The following KLHL26 variants were observed in gnomAD, a reference collection of about 807,000 sequenced individuals.
KLHL26 encodes the protein kelch-like protein 26.
In KLHL26, 4 loss-of-function variants were observed where a neutral mutation model predicts 7.1. That is an observed-to-expected ratio of 0.56 (90% CI 0.28 to 1.28). The LOEUF is 1.28. KLHL26 is among the 50% of genes most tolerant of loss of function. KLHL26 has a pLI of 0.11. For synonymous variants in KLHL26, 465 were observed against 414.1 expected (o/e 1.12, Z -1.49); for missense variants, 896 against 924.6 (o/e 0.97, Z 0.40).
chr19:18,653,048 C>T (rs1479604082), intron 1 of KLHL26, among the ~76,000 whole-genome samples: 1 of 152,016 alleles, frequency 6.6e-6, no homozygotes, highest in Admixed American at 6.6e-5. Flanking sequence ...TTTTCATGGT[C>T]CCAAGTGGGT....
At chr19:18,653,908 C>G (rs2052294162) in intron 1 of KLHL26, among the ~76,000 whole-genome samples, 1 of 97,182 alleles carries the variant, frequency 1.0e-5, no homozygotes, top group Admixed American at 1.1e-4. Flanking sequence ...ACCCTTCCAT[C>G]CACTCACCAT....
rs183245399 is a variant in KLHL26 at position 18,648,429 on chromosome 19, C to T, written c.83+11292C>T. On this transcript the variant is annotated intron_variant, in intron 1 of 2. Coordinates refer to ENST00000300976, the MANE Select transcript of KLHL26 (RefSeq NM_018316.3). This position sits in a 1 kb window ranked among gnomAD's most constrained non-coding sequence, Gnocchi z 4.9. ...GGCCCTGGAGGGATGGAGAGGCACACGCAGGCTTGGGGATGCCTGGAGGTT... is the reference window on the plus strand; with the variant it reads ...GGCCCTGGAGGGATGGAGAGGCACATGCAGGCTTGGGGATGCCTGGAGGTT... Among the ~76,000 whole-genome samples the T allele has an allele frequency of 2.0e-4, 31 of 152,260 alleles. No homozygotes were observed. The South Asian group carries it at 2.3e-3, about 11-fold the overall frequency.
intron 2 of KLHL26, among the ~76,000 whole-genome samples, chr19:18,666,243 C>T (rs148226389): frequency 2.6e-5 from 4 of 152,162 alleles, no homozygotes; most frequent in Non-Finnish European, 4.4e-5. Context: ...TGTCAGTGGG[C>T]GGCCCCGAGA....
intron 1 of KLHL26, among the ~76,000 whole-genome samples, chr19:18,653,419 T>A (rs1315600892): frequency 3.7e-5 from 2 of 53,526 alleles, no homozygotes; most frequent in African/African-American, 1.5e-4. Context: ...TATCCACCCA[T>A]CTTTTCATCA....
Position 18,648,048 on chromosome 19 carries a change from A to G in KLHL26, c.83+10911A>G, listed in dbSNP as rs180927879. ...CCAGGGCAGGGTTTGGGTGAGCGGC[A>G]TATCAGTCAGCCTCCTGTTTTGAAA... is the stretch of plus-strand genomic sequence containing the variant. On this transcript the variant is annotated intron_variant, in intron 1 of 2. Transcript: ENST00000300976. This position sits in a 1 kb window ranked among gnomAD's most constrained non-coding sequence, Gnocchi z 4.9. 6.6e-5 allele frequency among the ~76,000 whole-genome samples: 10 copies of G among 152,292 alleles called. No homozygotes were observed. The East Asian group carries it at 1.4e-3, about 21-fold the overall frequency.
intron 1 of KLHL26, among the ~76,000 whole-genome samples, chr19:18,663,565 G>C (rs2052413102): frequency 1.3e-5 from 2 of 152,168 alleles, no homozygotes; most frequent in Non-Finnish European, 2.9e-5. Flanking sequence ...GCAAATTCCA[G>C]AGGGCAGAGG....
At chr19:18,665,002 A>G (rs1335655739) in intron 2 of KLHL26, among the ~76,000 whole-genome samples, 1 of 149,844 alleles carries the variant, frequency 6.7e-6, no homozygotes, top group Non-Finnish European at 1.5e-5. Flanking sequence ...GTGGGCACCC[A>G]CTCACTTCTA....
intron 1 of KLHL26, among the ~76,000 whole-genome samples, chr19:18,645,372 C>T (rs146003930): frequency 1.3e-5 from 2 of 152,144 alleles, no homozygotes; most frequent in Non-Finnish European, 2.9e-5. Context: ...GCAGCCTCTC[C>T]GACATGGGCC....
rs1173347861 is a variant in KLHL26, at chr19:18,668,751, G to C, written c.1354G>C (p.Gly452Arg). 24 of 1,588,980 alleles carry C rather than the reference G, an allele frequency of 1.5e-5. No individual in the cohort carries two copies. The highest frequency in any genetic ancestry group is 1.9e-5 in the Non-Finnish European group (22 of 1,174,672). Reference sequence around the variant, plus strand: ...CTGCTCGCTGAAGCGCCGTACCTGGGGCCATGCTGGGGCCGCCTCAGGGGG... The same window carrying C: ...CTGCTCGCTGAAGCGCCGTACCTGGCGCCATGCTGGGGCCGCCTCAGGGGG... ...YACSLKRRTW[G>R]HAGAASGGRL... is the part of the protein sequence containing the mutation. Residue 452 changes from glycine to arginine, a missense_variant, in exon 3 of 3, where the codon GGC becomes CGC. Gly to Arg is a moderately radical substitution (Grantham distance 125). Transcript: ENST00000300976.
intron 1 of KLHL26, among the ~76,000 whole-genome samples, chr19:18,659,131 G>A (rs942842094): frequency 6.6e-6 from 1 of 151,272 alleles, no homozygotes; most frequent in African/African-American, 2.4e-5. Context: ...TTTTCTTTCT[G>A]TGGGTCCCGG....
chr19:18,668,461 GCGTGGCCGTGCTGGACAATTTTGTGTA>G lies in KLHL26; in HGVS notation c.1073_1099del (p.Val358_Ala366del), dbSNP rs754941237. 1 of 1,610,912 alleles carries G rather than the reference GCGTGGCCGTGCTGGACAATTTTGTGTA, an allele frequency of 6.2e-7. No individual in the cohort carries two copies. On this transcript the variant is annotated inframe_deletion, in exon 3 of 3. Coordinates refer to ENST00000300976, the MANE Select transcript of KLHL26 (RefSeq NM_018316.3). ...ATGGAGGTAGGCTGCAGCCACACGT[GCGTGGCCGTGCTGGACAATTTTGTGTA>G]CGTGGCCGGGGGGCAGCACCTGCAG... is the stretch of plus-strand genomic sequence containing the variant.
At chr19:18,641,632 CTTTTTTT>C (rs11365552) in intron 1 of KLHL26, among the ~76,000 whole-genome samples, 1 of 129,958 alleles carries the variant, frequency 7.7e-6, no homozygotes, top group Non-Finnish European at 1.6e-5. Flanking sequence ...TTTCTTTTTT[CTTTTTTT>C]TTTTTTTGAG....
intron 1 of KLHL26, among the ~76,000 whole-genome samples, chr19:18,647,568 G>C (rs1976826835): frequency 6.6e-6 from 1 of 151,348 alleles, no homozygotes; most frequent in Non-Finnish European, 1.5e-5. Context: ...GGAGGAAGAG[G>C]AGGAGGAGAT....
At position 18,650,808 on chromosome 19, in the gene KLHL26, G is replaced by C. The variant is rs951674718; in HGVS notation, c.84-13453G>C. On this transcript the variant is annotated intron_variant, in intron 1 of 2. Transcript: ENST00000300976. This position sits in a 1 kb window ranked among gnomAD's most constrained non-coding sequence, Gnocchi z 4.2. ...CGTGGCGGACGGAGTGGAGCCGTCT[G>C]TCTCGTCACAGACAGGCGGGGCTGC... Among the ~76,000 whole-genome samples the C allele has an allele frequency of 6.6e-6, 1 of 152,224 alleles. No homozygotes were observed. The highest frequency in any genetic ancestry group is 6.5e-5 in the Admixed American group (1 of 15,286).
At chr19:18,652,627 G>C (rs2052273009) in intron 1 of KLHL26, among the ~76,000 whole-genome samples, 1 of 148,272 alleles carries the variant, frequency 6.7e-6, no homozygotes, top group Non-Finnish European at 1.5e-5. Flanking sequence ...CTCCAGCCCA[G>C]TGCTGCCACC....
chr19:18,638,251 G>GAATGGC (rs1976653192), intron 1 of KLHL26, among the ~76,000 whole-genome samples: 1 of 152,210 alleles, frequency 6.6e-6, no homozygotes, highest in Non-Finnish European at 1.5e-5. Flanking sequence ...GGACCTGTGG[G>GAATGGC]CTGATTGTTG....
chr19:18,650,915 G>A lies in KLHL26; in HGVS notation c.84-13346G>A, dbSNP rs1340772928. ...GACCCCTCAGCCCCGGTAGGAAGCT[G>A]GTGTGCACTGCAGGGAGAGGCGGCA... On this transcript the variant is annotated intron_variant, in intron 1 of 2. Transcript: ENST00000300976. This position sits in a 1 kb window ranked among gnomAD's most constrained non-coding sequence, Gnocchi z 4.2. Among the ~76,000 whole-genome samples, 1 of 152,150 alleles carries A rather than the reference G, an allele frequency of 6.6e-6. No homozygotes were observed. Among genetic ancestry groups the A allele is most frequent in the African/African-American group, 2.4e-5 (1 of 41,450 alleles).
Position 18,656,437 on chromosome 19 carries a change from G to C in KLHL26, c.84-7824G>C, listed in dbSNP as rs561221550. ...TGGCGTCCCTGGCCGTCACTTGGCT[G>C]TCTGGGGGTGCCAGCCCTGGGTACA... On this transcript the variant is annotated intron_variant, in intron 1 of 2. Transcript: ENST00000300976. This position sits in a 1 kb window ranked among gnomAD's most constrained non-coding sequence, Gnocchi z 4.4. Among the ~76,000 whole-genome samples the C allele has an allele frequency of 6.6e-6, 1 of 152,244 alleles. No homozygotes were observed. Among genetic ancestry groups the C allele is most frequent in the African/African-American group, 2.4e-5 (1 of 41,546 alleles).
chr19:18,660,048 A>C (rs891229371), intron 1 of KLHL26, among the ~76,000 whole-genome samples: 2 of 152,196 alleles, frequency 1.3e-5, no homozygotes, highest in Non-Finnish European at 2.9e-5. Context: ...AGGTGGTCCC[A>C]GGGCAACCCT....
Sources: gnomAD v4.1 joint callset for allele counts (sites outside exome capture counted in the v4.1 genomes callset) on GRCh38, gnomAD v4.1.1 for gene constraint, Gnocchi (gnomAD v3.1) non-coding constraint, MANE v1.5 for transcripts, NCBI Gene and HGNC (gene_info 2026-07-23, HGNC 2026-07-21) for gene names.